Variants in GCNT2 observed in about 807,000 individuals in gnomAD.
The protein encoded by GCNT2 is N-acetyllactosaminide beta-1,6-N-acetylglucosaminyl-transferase.
A neutral mutation model predicts 34.2 loss-of-function variants in GCNT2; 34 were observed. That is an observed-to-expected ratio of 1.00 (90% confidence interval 0.76 to 1.32). GCNT2 has a LOEUF of 1.32. Ranked by LOEUF, GCNT2 falls within the 40% of genes most tolerant of loss-of-function variation. The pLI, the probability that GCNT2 is intolerant of heterozygous loss-of-function variation, is 0.00. For missense variants in GCNT2, 584 were observed against 489.4 expected (o/e 1.19, Z -1.82); for synonymous variants, 212 against 188.0 (o/e 1.13, Z -1.04).
Position 10,529,029 on chromosome 6 carries a change from T to C in GCNT2, c.118T>C (p.Ser40Pro), listed in dbSNP as rs766423858. The C allele has an allele frequency of 1.9e-6, 3 of 1,614,138 alleles. No homozygotes were observed. Among genetic ancestry groups the C allele is most frequent in the Non-Finnish European group, 2.5e-6 (3 of 1,179,984 alleles). ...ENKRFLRAAL[S>P]NASLLAEACH... is the part of the protein sequence containing the mutation. ...TAAACGTTTTCTGAGGGCAGCTCTGTCCAATGCTTCACTGTTAGCAGAAGC... is the reference window on the plus strand; with the variant it reads ...TAAACGTTTTCTGAGGGCAGCTCTGCCCAATGCTTCACTGTTAGCAGAAGC... The change falls in exon 3 of 5, where the codon TCC becomes CCC. Residue 40 changes from serine (S) to proline (P), a missense_variant. Physicochemically the swap from Ser to Pro is moderately conservative, Grantham distance 74. Transcript: ENST00000495262.
At chr6:10,586,507 G>A in intron 3 of GCNT2, 1 of 1,614,184 alleles carries the variant, frequency 6.2e-7, no homozygotes, top group South Asian at 1.1e-5. Context: ...GACCTGAACT[G>A]TCTGAAAGAC....
intron 4 of GCNT2, among the ~76,000 whole-genome samples, chr6:10,622,271 G>C (rs1766066665): frequency 6.6e-6 from 1 of 152,076 alleles, no homozygotes; most frequent in Non-Finnish European, 1.5e-5. Flanking sequence ...AGTTTGCTAG[G>C]GCTGCCATAA....
At chr6:10,603,696 G>A (rs1474117057) in intron 3 of GCNT2, among the ~76,000 whole-genome samples, 2 of 147,300 alleles carry the variant, frequency 1.4e-5, no homozygotes, top group South Asian at 2.2e-4. Flanking sequence ...TTGTATTTTA[G>A]TAGAGACGGG....
chr6:10,574,812 G>T, intron 3 of GCNT2: 2 of 631,208 alleles, frequency 3.2e-6, no homozygotes, highest in Non-Finnish European at 6.1e-6. Flanking sequence ...CTCTCATAAA[G>T]TGTGCTACTC....
At chr6:10,591,085 A>G (rs973125568) in intron 3 of GCNT2, among the ~76,000 whole-genome samples, 4 of 152,226 alleles carry the variant, frequency 2.6e-5, no homozygotes, top group Admixed American at 2.6e-4. Flanking sequence ...CACTGCTGCC[A>G]GCATTGAATT....
At chr6:10,537,723 A>C (rs1235565985) in intron 3 of GCNT2, among the ~76,000 whole-genome samples, 7 of 131,576 alleles carry the variant, frequency 5.3e-5, no homozygotes, top group African/African-American at 1.4e-4. Flanking sequence ...AAAAAAAAAA[A>C]AAACAAAACA....
rs1761325726 is a variant in GCNT2 at position 10,528,856 on chromosome 6, T to A, written c.-56T>A. 12 of 1,362,894 alleles carry A rather than the reference T, an allele frequency of 8.8e-6. No homozygotes were observed. Among genetic ancestry groups the A allele is most frequent in the Non-Finnish European group, 1.3e-5 (12 of 952,600 alleles). The allele number at this position is 1,362,894 out of a possible 1,614,324, so 84.4% of individuals were successfully genotyped here. ...CTGGAGAAAATGTAAGTTAAATATA[T>A]CTACACTCTGATCCTATCTCAAGAG... On this transcript the variant is annotated 5_prime_UTR_variant, in exon 3 of 5. Coordinates refer to ENST00000495262, the MANE Select transcript of GCNT2 (RefSeq NM_145649.5).
intron 3 of GCNT2, among the ~76,000 whole-genome samples, chr6:10,545,452 G>A (rs78911598): frequency 0.048 from 7,348 of 152,120 alleles, 605 homozygotes; most frequent in African/African-American, 0.17. Flanking sequence ...GACAAACTTA[G>A]GACAGTTTCT....
At chr6:10,568,620 A>G (rs1763388102) in intron 3 of GCNT2, among the ~76,000 whole-genome samples, 1 of 152,154 alleles carries the variant, frequency 6.6e-6, no homozygotes, top group African/African-American at 2.4e-5. Context: ...AGTGTCAACA[A>G]CTTATTGAAT....
At chr6:10,588,182 G>A (rs1172053096) in intron 3 of GCNT2, among the ~76,000 whole-genome samples, 2 of 152,136 alleles carry the variant, frequency 1.3e-5, no homozygotes, top group African/African-American at 2.4e-5. Flanking sequence ...TGTCTCATGC[G>A]CAATTTATTT....
chr6:10,551,455 T>A (rs985927046), intron 3 of GCNT2, among the ~76,000 whole-genome samples: 1 of 150,730 alleles, frequency 6.6e-6, no homozygotes, highest in Non-Finnish European at 1.5e-5. Flanking sequence ...TAATTTATTT[T>A]TTTTTTTTGA....
At chr6:10,536,744 C>T (rs1761778372) in intron 3 of GCNT2, among the ~76,000 whole-genome samples, 1 of 148,316 alleles carries the variant, frequency 6.7e-6, no homozygotes, top group Non-Finnish European at 1.5e-5. Flanking sequence ...CACTCTGTCA[C>T]CCAGGCTGGA....
At chr6:10,573,372 G>T in intron 3 of GCNT2, 1 of 649,792 alleles carries the variant, frequency 1.5e-6, no homozygotes, top group Admixed American at 6.7e-5. Context: ...ATCTTTGCTT[G>T]GGCATTTAGT....
intron 3 of GCNT2, among the ~76,000 whole-genome samples, chr6:10,583,280 G>A (rs183527457): frequency 6.6e-6 from 1 of 152,240 alleles, no homozygotes; most frequent in Non-Finnish European, 1.5e-5. Context: ...TTAAGGGGTG[G>A]AGTGGAGCAG....
At chr6:10,523,987 A>AC (rs1761060892) in intron 1 of GCNT2, among the ~76,000 whole-genome samples, 1 of 150,672 alleles carries the variant, frequency 6.6e-6, no homozygotes, top group South Asian at 2.1e-4. Context: ...AAAAAAAAAA[A>AC]AAAAAACCAA....
At chr6:10,600,638 G>A (rs764675891) in intron 3 of GCNT2, among the ~76,000 whole-genome samples, 1 of 152,066 alleles carries the variant, frequency 6.6e-6, no homozygotes, top group Non-Finnish European at 1.5e-5. Context: ...TTATCATAGC[G>A]TATGTAGCCA....
At chr6:10,523,250 A>T (rs1168546250) in intron 1 of GCNT2, among the ~76,000 whole-genome samples, 1 of 151,908 alleles carries the variant, frequency 6.6e-6, no homozygotes, top group African/African-American at 2.4e-5. Context: ...GTGAAACCCC[A>T]TCTCTACTAA....
chr6:10,548,686 G>A (rs990810461), intron 3 of GCNT2, among the ~76,000 whole-genome samples: 1 of 152,040 alleles, frequency 6.6e-6, no homozygotes, highest in African/African-American at 2.4e-5. Flanking sequence ...ATGTTTGTGA[G>A]ATTCACCGTT....
chr6:10,621,290 G>T (rs1766022617), intron 3 of GCNT2, 61 bp from the exon 4 acceptor site: 1 of 1,065,992 alleles, frequency 9.4e-7, no homozygotes, highest in African/African-American at 1.6e-5. Flanking sequence ...CTTAATTGAT[G>T]AAATTGATGC....
Sources: allele counts gnomAD v4.1 joint callset (sites outside exome capture counted in the v4.1 genomes callset), GRCh38; gene constraint gnomAD v4.1.1; transcripts MANE v1.5; gene names NCBI Gene and HGNC (gene_info 2026-07-23, HGNC 2026-07-21).